The following PHAX variants were observed in gnomAD, a reference collection of about 807,000 sequenced individuals.
PHAX encodes the protein phosphorylated adapter RNA export protein.
PHAX carries 31 observed loss-of-function variants against 41.6 expected under a neutral mutation model. That is an observed-to-expected ratio of 0.75 (90% CI 0.56 to 1.01). The LOEUF is 1.01. Among genes scored for constraint, PHAX ranks in the 50% least tolerant of loss-of-function variants. PHAX has a pLI of 0.00. For synonymous variants in PHAX, 175 were observed against 164.9 expected, an observed-to-expected ratio of 1.06 and a Z score of -0.47; for missense variants, 453 against 472.9, an observed-to-expected ratio of 0.96 and a Z score of 0.39.
rs1752355329 is a variant in PHAX, at chr5:126,626,518, CA to C, written c.*1675del. The C allele has an allele frequency of 6.6e-6, 1 of 150,692 alleles. No homozygotes were observed. The highest frequency in any genetic ancestry group is 2.1e-4 in the South Asian group (1 of 4,806). The allele number at this position is 150,692 out of a possible 1,614,324, so 9.3% of individuals were successfully genotyped here. The stretch of plus-strand genomic sequence containing the variant: ...CTTTGGGAGGTGGAGGCGGGTGGAT[CA>C]CAAGGTCAAGAGATCGAGACCATCC... On this transcript the variant is annotated 3_prime_UTR_variant, in exon 5 of 5. Coordinates refer to ENST00000297540, the MANE Select transcript of PHAX (RefSeq NM_032177.4).
intron 4 of PHAX, 79 bp downstream of exon 4, chr5:126,617,412 A>G (rs1211753249): frequency 1.3e-6 from 1 of 744,784 alleles, no homozygotes; most frequent in Non-Finnish European, 2.3e-6. Flanking sequence ...TTCTATGGAT[A>G]TGCATTACCT....
At chr5:126,604,245 T>C (rs1324986476) in intron 2 of PHAX, 62 bp downstream of exon 2, 1 of 1,293,508 alleles carries the variant, frequency 7.7e-7, no homozygotes, top group African/African-American at 1.6e-5. Flanking sequence ...GGAAATAAAA[T>C]GAATGCCAAA....
Position 126,603,898 on chromosome 5 carries a change from C to T in PHAX, c.425C>T (p.Thr142Ile). Reference sequence around the variant, plus strand: ...CTTGGTATCTTGGGAATGGAGGGCACTATTGACAGAAGCAGACAATCCGAG... The same window carrying T: ...CTTGGTATCTTGGGAATGGAGGGCATTATTGACAGAAGCAGACAATCCGAG... The part of the protein sequence containing the change: ...TELGILGMEG[T>I]IDRSRQSETY... The change falls in exon 2 of 5, where the codon ACT becomes ATT. Residue 142 changes from threonine (T) to isoleucine (I), a missense_variant. Transcript: ENST00000297540. The T allele has an allele frequency of 6.2e-7, 1 of 1,612,088 alleles. No homozygotes were observed. Among genetic ancestry groups the T allele is most frequent in the Non-Finnish European group, 8.5e-7 (1 of 1,179,398 alleles).
intron 2 of PHAX, among the ~76,000 whole-genome samples, chr5:126,607,818 T>G (rs1379145418): frequency 1.3e-5 from 2 of 152,194 alleles, no homozygotes; most frequent in Non-Finnish European, 2.9e-5. Flanking sequence ...TTGTACATTC[T>G]TGAGAGAATC....
At chr5:126,601,121 G>T (rs1008026125) in intron 1 of PHAX, 63 bp downstream of exon 1, 9 of 1,235,708 alleles carry the variant, frequency 7.3e-6, no homozygotes, top group South Asian at 3.8e-5. Flanking sequence ...CCCGGGGAGC[G>T]CGCAGGCAGC....
chr5:126,602,733 G>A (rs1164628864), intron 1 of PHAX, among the ~76,000 whole-genome samples: 1 of 151,970 alleles, frequency 6.6e-6, no homozygotes, highest in Non-Finnish European at 1.5e-5. Context: ...GGCTGGGCGC[G>A]GTGGCTCACG....
chr5:126,607,214 G>C (rs1422460077), intron 2 of PHAX, among the ~76,000 whole-genome samples: 1 of 152,012 alleles, frequency 6.6e-6, no homozygotes, highest in Non-Finnish European at 1.5e-5. Context: ...GGGGAAGTTT[G>C]GAATTTGAGT....
intron 3 of PHAX, among the ~76,000 whole-genome samples, chr5:126,610,572 C>G (rs1349346047): frequency 6.6e-6 from 1 of 152,202 alleles, no homozygotes; most frequent in Non-Finnish European, 1.5e-5. Context: ...TAAAGTACTT[C>G]AATTTTCATT....
chr5:126,616,448 C>G (rs903371602), intron 3 of PHAX, among the ~76,000 whole-genome samples: 2 of 152,142 alleles, frequency 1.3e-5, no homozygotes, highest in Admixed American at 6.6e-5. Context: ...AAGATAGTAT[C>G]TGTATCATAG....
Position 126,626,769 on chromosome 5 carries a change from G to C in PHAX, c.*1925G>C, listed in dbSNP as rs1242168673. ...AAAAAAAAATACAAAAAATTAGCCG[G>C]GCATTGTGGTGCATGCCTGTAATCT... On this transcript the variant is annotated 3_prime_UTR_variant, in exon 5 of 5. Transcript: ENST00000297540. 2 of 149,564 alleles carry C rather than the reference G, an allele frequency of 1.3e-5. No individual in the cohort carries two copies. The highest frequency in any genetic ancestry group is 2.9e-5 in the Non-Finnish European group (2 of 67,874). The allele number at this position is 149,564 out of a possible 1,614,324, so 9.3% of individuals were successfully genotyped here. A position where few individuals can be genotyped will look rare whatever the true frequency, so the allele number is the denominator to read the frequency against.
At chr5:126,621,551 C>A (rs974478212) in intron 4 of PHAX, among the ~76,000 whole-genome samples, 3 of 152,098 alleles carry the variant, frequency 2.0e-5, no homozygotes, top group African/African-American at 7.2e-5. Flanking sequence ...TATAATTATT[C>A]TTTTAATTGC....
At chr5:126,608,182 C>T (rs1274918770) in intron 2 of PHAX, among the ~76,000 whole-genome samples, 182 bp from the exon 3 acceptor site, 2 of 152,088 alleles carry the variant, frequency 1.3e-5, no homozygotes, top group Admixed American at 6.6e-5. Flanking sequence ...TTGAGGTTAC[C>T]ATCTCCTTCT....
intron 4 of PHAX, among the ~76,000 whole-genome samples, chr5:126,623,831 G>A (rs1047288195): frequency 5.9e-5 from 9 of 152,034 alleles, no homozygotes; most frequent in Admixed American, 5.9e-4. Flanking sequence ...GGCTTGGCTT[G>A]AGCTTTTTGG....
intron 4 of PHAX, among the ~76,000 whole-genome samples, chr5:126,624,243 A>G (rs1418511392): frequency 6.6e-6 from 1 of 151,988 alleles, no homozygotes; most frequent in Non-Finnish European, 1.5e-5. Context: ...TCCTGACCTC[A>G]AGTGAACCAC....
chr5:126,615,051 C>T (rs904368594), intron 3 of PHAX, among the ~76,000 whole-genome samples: 4 of 151,966 alleles, frequency 2.6e-5, no homozygotes, highest in Admixed American at 2.0e-4. Flanking sequence ...GTACCCGGCC[C>T]TAACACACTT....
At chr5:126,614,712 C>T (rs1469006363) in intron 3 of PHAX, among the ~76,000 whole-genome samples, 3 of 151,900 alleles carry the variant, frequency 2.0e-5, no homozygotes, top group Non-Finnish European at 4.4e-5. Flanking sequence ...TAGTGAGAGG[C>T]TACCCGGACC....
At chr5:126,613,432 A>G (rs1752136484) in intron 3 of PHAX, among the ~76,000 whole-genome samples, 1 of 152,162 alleles carries the variant, frequency 6.6e-6, no homozygotes, top group Non-Finnish European at 1.5e-5. Context: ...ATAAAAAAGT[A>G]AAAAGATGTC....
chr5:126,618,663 A>T (rs900020036), intron 4 of PHAX, among the ~76,000 whole-genome samples: 9 of 143,312 alleles, frequency 6.3e-5, no homozygotes, highest in Non-Finnish European at 1.0e-4. Context: ...GTCTTTTTTT[A>T]AAAACTGTTT....
At chr5:126,610,212 T>G (rs1235015314) in intron 3 of PHAX, among the ~76,000 whole-genome samples, 2 of 152,216 alleles carry the variant, frequency 1.3e-5, no homozygotes, top group Non-Finnish European at 2.9e-5. Context: ...CTTTACTGTT[T>G]CAGAATGACA....
Sources: allele counts gnomAD v4.1 joint callset (sites outside exome capture counted in the v4.1 genomes callset), GRCh38; gene constraint gnomAD v4.1.1; transcripts MANE v1.5; gene names NCBI Gene and HGNC (gene_info 2026-07-23, HGNC 2026-07-21).